The following RSPH9 variants were observed in gnomAD, a reference collection of about 807,000 sequenced individuals.
RSPH9 encodes the protein radial spoke head protein 9 homolog.
In RSPH9, 27 loss-of-function variants were observed where a neutral mutation model predicts 27.0. The observed-to-expected ratio is 1.00, with a 90% CI of 0.74 to 1.38. The LOEUF (loss-of-function observed/expected upper bound fraction) is 1.38, where lower values mean the gene tolerates loss of function less well. Ranked by LOEUF, RSPH9 falls within the 40% of genes most tolerant of loss-of-function variation. RSPH9 has a pLI of 0.00. For missense variants in RSPH9, 347 were observed against 357.4 expected, an observed-to-expected ratio of 0.97 and a Z score of 0.24; for synonymous variants, 145 against 147.7, an observed-to-expected ratio of 0.98 and a Z score of 0.13.
intron 4 of RSPH9, among the ~76,000 whole-genome samples, chr6:43,669,341 T>C (rs1007957904): frequency 2.0e-5 from 3 of 152,110 alleles, no homozygotes; most frequent in African/African-American, 4.8e-5. Flanking sequence ...CCAGAAAACT[T>C]TGGTTTTGAC....
intron 4 of RSPH9, among the ~76,000 whole-genome samples, chr6:43,662,115 G>T (rs1204065974): frequency 6.6e-6 from 1 of 152,110 alleles, no homozygotes; most frequent in African/African-American, 2.4e-5. Flanking sequence ...CTGGGCTCAA[G>T]CCATCCTCCT....
At position 43,645,275 on chromosome 6, in the gene RSPH9, C is replaced by CG; in HGVS notation, c.178dup (p.Ala60GlyfsTer6). On this transcript the variant is annotated frameshift_variant, in exon 1 of 5. Coordinates refer to ENST00000372163, the MANE Select transcript of RSPH9 (RefSeq NM_152732.5). LOFTEE classifies it high-confidence loss of function. ...TTGGCCTCGTCGCCGATTACTACAT[C>CG]GCGCAGGGCCTGAGTGAGGACCAGC... 6.2e-7 allele frequency: 1 copy of CG among 1,613,382 alleles called. No individual in the cohort carries two copies. Among genetic ancestry groups the CG allele is most frequent in the South Asian group, 1.1e-5 (1 of 91,076 alleles).
At position 43,645,443 on chromosome 6, in the gene RSPH9, G is replaced by A. The variant is rs1617105; in HGVS notation, c.227+118G>A. On this transcript the variant is annotated intron_variant, in intron 1 of 4. Coordinates refer to ENST00000372163, the MANE Select transcript of RSPH9 (RefSeq NM_152732.5). ...CATGGGGCCAAGGGAGGTGTGGGCG[G>A]GATCTGAGATGAGTGGAATGGGGGA... The A allele has an allele frequency of 0.28, 234,027 of 845,458 alleles. 39,967 individuals carry two copies. The highest frequency in any genetic ancestry group is 0.31 in the Non-Finnish European group (167,184 of 531,068). 52.4% of individuals were successfully genotyped at this position (845,458 alleles called of 1,614,324 possible).
intron 2 of RSPH9, among the ~76,000 whole-genome samples, chr6:43,650,899 T>C (rs1355098746): frequency 7.1e-6 from 1 of 140,556 alleles, no homozygotes; most frequent in Non-Finnish European, 1.5e-5. Context: ...AGTGAGACCC[T>C]GTCTATAAAA....
intron 4 of RSPH9, among the ~76,000 whole-genome samples, chr6:43,662,511 C>T (rs1247762808): frequency 6.6e-6 from 1 of 152,030 alleles, no homozygotes; most frequent in East Asian, 2.0e-4. Flanking sequence ...GGACTATAGG[C>T]GCCCGCCACC....
At position 43,650,539 on chromosome 6, in the gene RSPH9, T is replaced by C; in HGVS notation, c.392T>C (p.Val131Ala). The part of the protein sequence containing the change: ...EGEKVFEEEI[V>A]VQIKEETRLV... ...GAAAAAGTCTTTGAAGAAGAAATAG[T>C]GGTGAGTGAAGAGGAGAGCAGGAGG... Residue 131 changes from valine (V) to alanine (A), a missense_variant and splice_region_variant, in exon 2 of 5, where the codon GTG (valine) becomes GCG (alanine). Val to Ala is a moderately conservative substitution (Grantham distance 64). Coordinates refer to ENST00000372163, the MANE Select transcript of RSPH9 (RefSeq NM_152732.5). The C allele has an allele frequency of 1.2e-6, 2 of 1,613,710 alleles. No homozygotes were observed. The highest frequency in any genetic ancestry group is 1.7e-6 in the Non-Finnish European group (2 of 1,179,866).
chr6:43,662,366 C>T (rs1772717298), intron 4 of RSPH9, among the ~76,000 whole-genome samples: 1 of 149,978 alleles, frequency 6.7e-6, no homozygotes. Flanking sequence ...GGCTGTTTCA[C>T]TTTCTTTTTT....
intron 2 of RSPH9, among the ~76,000 whole-genome samples, chr6:43,651,709 C>T (rs1188885756): frequency 6.6e-6 from 1 of 152,008 alleles, no homozygotes. Context: ...ATGCCACACC[C>T]AGCTAATTTT....
intron 4 of RSPH9, among the ~76,000 whole-genome samples, chr6:43,663,006 C>A (rs1437541956): frequency 6.6e-6 from 1 of 151,682 alleles, no homozygotes; most frequent in Admixed American, 6.6e-5. Context: ...CTGTGTTGCT[C>A]GGGCTGGTTT....
chr6:43,656,442 T>G, intron 3 of RSPH9, 135 bp from the exon 4 acceptor site: 1 of 1,043,666 alleles, frequency 9.6e-7, no homozygotes, highest in Non-Finnish European at 1.5e-6. Flanking sequence ...TGCTAATCCC[T>G]TTCCTTCCTT....
chr6:43,649,198 G>GCT (rs1561936940), intron 1 of RSPH9, among the ~76,000 whole-genome samples: 1 of 151,182 alleles, frequency 6.6e-6, no homozygotes, highest in Non-Finnish European at 1.5e-5. Context: ...TTTTTGTTTT[G>GCT]TTTTTTTTGA....
chr6:43,671,922 A>C lies in RSPH9; in HGVS notation c.*973A>C, dbSNP rs199719530. 45 of 1,584,594 alleles carry C rather than the reference A, an allele frequency of 2.8e-5. No homozygotes were observed. The Admixed American group carries it at 8.0e-4, about 28-fold the overall frequency. Reference sequence around the variant, plus strand: ...CGTCAGGTACCTGTGGAGGGAGAACAAAGAGGTGCCTGTGAGGGCTGGGGG... The same window carrying C: ...CGTCAGGTACCTGTGGAGGGAGAACCAAGAGGTGCCTGTGAGGGCTGGGGG... On this transcript the variant is annotated 3_prime_UTR_variant, in exon 5 of 5. Coordinates refer to ENST00000372163, the MANE Select transcript of RSPH9 (RefSeq NM_152732.5).
intron 4 of RSPH9, among the ~76,000 whole-genome samples, chr6:43,668,113 AGAAGAGAGAGCGGGGGCTGTGAACCTG>A (rs1324417460): frequency 6.6e-6 from 1 of 152,004 alleles, no homozygotes; most frequent in Non-Finnish European, 1.5e-5. Flanking sequence ...ATTTGGGGAG[AGAAGAGAGAGCGGGGGCTGTGAACCTG>A]CAGCACCAAG....
In RSPH9 at chr6:43,672,523, G is replaced by A. The variant is rs1773795451; in HGVS notation, c.*1574G>A. 2.3e-6 allele frequency: 1 copy of A among 438,804 alleles called. No homozygotes were observed. The highest frequency in any genetic ancestry group is 2.6e-5 in the Admixed American group (1 of 38,776). The allele number at this position is 438,804 out of a possible 1,614,324, so 27.2% of individuals were successfully genotyped here. A position where few individuals can be genotyped will look rare whatever the true frequency, so the allele number is the denominator to read the frequency against. ...CTCCTTTGGGGATGGCCAGGGCCCT[G>A]ATAGTTCCCAGAAAAGTGGCTCATG... On this transcript the variant is annotated 3_prime_UTR_variant, in exon 5 of 5. Coordinates refer to ENST00000372163, the MANE Select transcript of RSPH9 (RefSeq NM_152732.5).
intron 1 of RSPH9, among the ~76,000 whole-genome samples, chr6:43,648,220 G>C (rs1376944350): frequency 6.6e-6 from 1 of 151,336 alleles, no homozygotes; most frequent in South Asian, 2.1e-4. Context: ...GGTGAGCTGA[G>C]ATCGCACCAT....
chr6:43,653,222 C>T (rs1048544645), intron 2 of RSPH9, among the ~76,000 whole-genome samples: 19 of 152,148 alleles, frequency 1.2e-4, no homozygotes, highest in African/African-American at 3.9e-4. Context: ...GAGCCCAAGG[C>T]GGGCAGATCA....
intron 4 of RSPH9, among the ~76,000 whole-genome samples, chr6:43,658,789 C>T (rs572349113): frequency 8.5e-5 from 13 of 152,306 alleles, no homozygotes; most frequent in Non-Finnish European, 1.3e-4. Context: ...TATGATCCGC[C>T]TACCTCGACC....
At chr6:43,669,873 G>A (rs930317994) in intron 4 of RSPH9, among the ~76,000 whole-genome samples, 1 of 152,196 alleles carries the variant, frequency 6.6e-6, no homozygotes, top group Non-Finnish European at 1.5e-5. Flanking sequence ...CAAAAACCAG[G>A]GCAGAACCTA....
chr6:43,669,695 G>A (rs902006136), intron 4 of RSPH9, among the ~76,000 whole-genome samples: 9 of 152,256 alleles, frequency 5.9e-5, no homozygotes, highest in Non-Finnish European at 1.2e-4. Flanking sequence ...GCCTCAGTGC[G>A]CAGGGGAATA....
Sources: allele counts gnomAD v4.1 joint callset (sites outside exome capture counted in the v4.1 genomes callset), GRCh38; gene constraint gnomAD v4.1.1; transcripts MANE v1.5; gene names NCBI Gene and HGNC (gene_info 2026-07-23, HGNC 2026-07-21).